The following WASL variants were observed in gnomAD, a reference collection of about 807,000 sequenced individuals.
The protein encoded by WASL is actin nucleation-promoting factor WASL.
A neutral mutation model predicts 55.5 loss-of-function variants in WASL; 20 were observed. That is an observed-to-expected ratio of 0.36 (90% CI 0.25 to 0.52). The LOEUF is 0.52. WASL is among the 20% of genes least tolerant of loss of function. The pLI, the probability that WASL is intolerant of heterozygous loss-of-function variation, is 0.92. For missense variants in WASL, 504 were observed against 622.5 expected (o/e 0.81, Z 2.03); for synonymous variants, 249 against 217.6 (o/e 1.14, Z -1.27).
chr7:123,688,351 T>C (rs1306256683), intron 10 of WASL, among the ~76,000 whole-genome samples: 2 of 151,972 alleles, frequency 1.3e-5, no homozygotes, highest in Non-Finnish European at 2.9e-5. Context: ...CGATTTATTA[T>C]TATTATTATT....
intron 5 of WASL, among the ~76,000 whole-genome samples, chr7:123,699,028 T>A (rs1451431519): frequency 6.6e-6 from 1 of 152,170 alleles, no homozygotes; most frequent in Non-Finnish European, 1.5e-5. Flanking sequence ...ACAAATTACT[T>A]TGTTTCTTAT....
rs1304247215 is a variant in WASL, at chr7:123,748,707, G to A, written c.28C>T (p.Pro10Ser). The change falls in exon 1 of 11, where the codon CCG becomes TCG. Residue 10 changes from proline (P) to serine (S), a missense_variant. Coordinates refer to ENST00000223023, the MANE Select transcript of WASL (RefSeq NM_003941.4). Reference protein sequence around the residue: MSSVQQQPPPPRRVTNVGSL... With the variant: MSSVQQQPPSPRRVTNVGSL... ...CCCACGTTGGTGACCCTCCGCGGCG[G>A]CGGCGGCTGCTGCTGGACGGAGCTC... 2 of 1,607,458 alleles carry A rather than the reference G, an allele frequency of 1.2e-6. No homozygotes were observed. The highest frequency in any genetic ancestry group is 1.3e-5 in the African/African-American group (1 of 74,572).
At chr7:123,706,431 C>A (rs1229009401) in intron 3 of WASL, 58 bp from the exon 4 acceptor site, 2 of 1,464,136 alleles carry the variant, frequency 1.4e-6, no homozygotes, top group Middle Eastern at 1.8e-4. Context: ...AGCTTTATAT[C>A]ATAAAAACAA....
intron 1 of WASL, among the ~76,000 whole-genome samples, chr7:123,727,763 G>A (rs570205432): frequency 6.6e-6 from 1 of 152,238 alleles, no homozygotes; most frequent in African/African-American, 2.4e-5. Flanking sequence ...TGTATCATTT[G>A]TCAAAATTCA....
chr7:123,746,041 G>A (rs553607238), intron 1 of WASL, among the ~76,000 whole-genome samples: 18 of 152,194 alleles, frequency 1.2e-4, no homozygotes, highest in South Asian at 2.1e-4. Flanking sequence ...TTTTACAGAT[G>A]AGAAAACCAA....
At chr7:123,720,878 A>T (rs942284969) in intron 1 of WASL, among the ~76,000 whole-genome samples, 14 of 145,674 alleles carry the variant, frequency 9.6e-5, no homozygotes, top group African/African-American at 3.6e-4. Context: ...TATACACGTT[A>T]AAAAAAAAAG....
chr7:123,689,226 CT>C, intron 9 of WASL, 76 bp from the exon 10 acceptor site: 9 of 1,153,298 alleles, frequency 7.8e-6, no homozygotes, highest in Non-Finnish European at 1.2e-5. Flanking sequence ...GTCCTACTTT[CT>C]TAGAATCACT....
intron 1 of WASL, among the ~76,000 whole-genome samples, chr7:123,724,029 A>G (rs1803999925): frequency 6.6e-6 from 1 of 152,176 alleles, no homozygotes; most frequent in Admixed American, 6.5e-5. Context: ...CGAGATCTCA[A>G]ATTTATACCT....
intron 9 of WASL, among the ~76,000 whole-genome samples, chr7:123,689,748 C>T (rs1803366544): frequency 6.6e-6 from 1 of 151,682 alleles, no homozygotes; most frequent in Non-Finnish European, 1.5e-5. Flanking sequence ...CAATCCCTAA[C>T]TGAAGTACTT....
chr7:123,728,417 T>C (rs1195874361), intron 1 of WASL, among the ~76,000 whole-genome samples: 1 of 152,166 alleles, frequency 6.6e-6, no homozygotes, highest in Non-Finnish European at 1.5e-5. Context: ...TGGCCTGCTA[T>C]ATTAGGGAGT....
intron 8 of WASL, 38 bp from the exon 9 acceptor site, chr7:123,692,905 T>G (rs748679091): frequency 7.5e-7 from 1 of 1,341,408 alleles, no homozygotes; most frequent in Non-Finnish European, 9.6e-7. Context: ...CATGCTTTTT[T>G]CTTCTCATAA....
At chr7:123,723,155 C>T (rs1180686096) in intron 1 of WASL, among the ~76,000 whole-genome samples, 1 of 152,130 alleles carries the variant, frequency 6.6e-6, no homozygotes, top group Non-Finnish European at 1.5e-5. Context: ...GCATTGTATG[C>T]ATTATTAAAT....
At chr7:123,717,026 T>C (rs1212835423) in intron 1 of WASL, among the ~76,000 whole-genome samples, 1 of 152,160 alleles carries the variant, frequency 6.6e-6, no homozygotes, top group Non-Finnish European at 1.5e-5. Flanking sequence ...TTTTGCCCTA[T>C]GCCAGCTAAA....
At chr7:123,691,698 T>A (rs968612470) in intron 9 of WASL, among the ~76,000 whole-genome samples, 19 of 152,340 alleles carry the variant, frequency 1.2e-4, no homozygotes, top group Admixed American at 2.6e-4. Context: ...TAAGATTAAA[T>A]GATTACCTCA....
intron 1 of WASL, among the ~76,000 whole-genome samples, chr7:123,732,940 T>C (rs1804165001): frequency 6.6e-6 from 1 of 151,926 alleles, no homozygotes; most frequent in African/African-American, 2.4e-5. Flanking sequence ...AACCAAATGA[T>C]CATATGAACA....
At chr7:123,741,814 T>C (rs1000568631) in intron 1 of WASL, among the ~76,000 whole-genome samples, 8 of 152,192 alleles carry the variant, frequency 5.3e-5, no homozygotes, top group South Asian at 4.1e-4. Context: ...ATGGTAGGAA[T>C]TGCTCAGCAG....
At chr7:123,733,960 C>G (rs1804184413) in intron 1 of WASL, among the ~76,000 whole-genome samples, 1 of 147,046 alleles carries the variant, frequency 6.8e-6, no homozygotes, top group Non-Finnish European at 1.5e-5. Context: ...GACCTTATGA[C>G]TTACACAGAA....
chr7:123,686,252 G>A (rs1487204648), intron 10 of WASL, among the ~76,000 whole-genome samples: 1 of 151,854 alleles, frequency 6.6e-6, no homozygotes, highest in Admixed American at 6.6e-5. Flanking sequence ...AATTGTTACA[G>A]AATTTATTTG....
rs1231594231 is a variant in WASL at position 123,723,874 on chromosome 7, T to C, written c.118-14651A>G. On this transcript the variant is annotated intron_variant, in intron 1 of 10. Coordinates refer to ENST00000223023, the MANE Select transcript of WASL (RefSeq NM_003941.4). ...GTTGAGCCAGCCAGAATTAGTTCAT[T>C]TTATTTGTACAAAAGAAGCTTAGCT... Among the ~76,000 whole-genome samples the C allele has an allele frequency of 2.0e-5, 3 of 152,232 alleles. No individual in the cohort carries two copies. The East Asian group carries it at 5.8e-4, about 29-fold the overall frequency.
Sources: gnomAD v4.1 joint callset for allele counts (sites outside exome capture counted in the v4.1 genomes callset) on GRCh38, gnomAD v4.1.1 for gene constraint, MANE v1.5 for transcripts, NCBI Gene and HGNC (gene_info 2026-07-23, HGNC 2026-07-21) for gene names.